The following PCDHGA6 variants were observed in gnomAD, a reference collection of about 807,000 sequenced individuals.
PCDHGA6 encodes protocadherin gamma-A6.
A neutral mutation model predicts 60.6 loss-of-function variants in PCDHGA6; 41 were observed. The ratio of observed to expected loss-of-function variants is 0.68; its 90% CI spans 0.53 to 0.88. PCDHGA6 has a LOEUF of 0.88. PCDHGA6 is among the 40% of genes least tolerant of loss of function. PCDHGA6 has a pLI of 0.00. For missense variants in PCDHGA6, 1,312 were observed against 1,203.0 expected (o/e 1.09, Z -1.34); for synonymous variants, 594 against 524.4 (o/e 1.13, Z -1.81).
intron 1 of PCDHGA6, among the ~76,000 whole-genome samples, chr5:141,469,186 G>T (rs536021769): frequency 6.6e-6 from 1 of 151,978 alleles, no homozygotes; most frequent in Admixed American, 6.6e-5. Flanking sequence ...TGAGGCAAGA[G>T]GATTGCTTGA....
intron 1 of PCDHGA6, chr5:141,410,121 A>G (rs1239244343): frequency 1.9e-6 from 3 of 1,612,642 alleles, no homozygotes; most frequent in Non-Finnish European, 2.5e-6. Flanking sequence ...GCAGCCCGCC[A>G]GCGCCTGCTG....
intron 1 of PCDHGA6, among the ~76,000 whole-genome samples, chr5:141,473,126 A>C (rs2154571574): frequency 6.6e-6 from 1 of 152,356 alleles, no homozygotes; most frequent in South Asian, 2.1e-4. Flanking sequence ...GCTCTTTGGC[A>C]AACTATATTA....
intron 1 of PCDHGA6, among the ~76,000 whole-genome samples, chr5:141,456,946 G>A (rs182320066): frequency 2.3e-4 from 35 of 152,284 alleles, no homozygotes; most frequent in Admixed American, 2.3e-3. Context: ...CTGGGCAACA[G>A]AGCAAAACTC....
rs1167812243 is a variant in PCDHGA6, at chr5:141,414,179, C to T, written c.2424+37672C>T. ...GATGGAGGAGCATATCTTGCAACTG[C>T]AAAAGTGTTGATTACAGTAGAAGAT... On this transcript the variant is annotated intron_variant, in intron 1 of 3. Transcript: ENST00000517434. 3 of 1,608,128 alleles carry T rather than the reference C, an allele frequency of 1.9e-6. No individual in the cohort carries two copies. In the South Asian group the frequency reaches 3.3e-5, roughly 18 times the overall value.
intron 2 of PCDHGA6, among the ~76,000 whole-genome samples, chr5:141,501,526 G>A (rs2099809738): frequency 6.6e-6 from 1 of 151,962 alleles, no homozygotes; most frequent in Non-Finnish European, 1.5e-5. Context: ...CTGAAGCCCA[G>A]TACGTTGTTG....
intron 1 of PCDHGA6, among the ~76,000 whole-genome samples, chr5:141,449,753 C>T (rs1260240861): frequency 6.6e-6 from 1 of 151,246 alleles, no homozygotes; most frequent in East Asian, 1.9e-4. Context: ...ATTTTTATGA[C>T]ATTTGAGAGT....
At position 141,511,410 on chromosome 5, in the gene PCDHGA6, T is replaced by A; in HGVS notation, c.*237T>A. The stretch of plus-strand genomic sequence containing the variant: ...GGAACCCCCATCCAATCAACTGCTG[T>A]ACCCATGGGGGTAGTGGGGTTACTG... On this transcript the variant is annotated 3_prime_UTR_variant, in exon 4 of 4. Coordinates refer to ENST00000517434, the MANE Select transcript of PCDHGA6 (RefSeq NM_018919.3). 1 of 908,820 alleles carries A rather than the reference T, an allele frequency of 1.1e-6. No individual in the cohort carries two copies. The highest frequency in any genetic ancestry group is 1.6e-6 in the Non-Finnish European group (1 of 624,202). 56.3% of individuals were successfully genotyped at this position (908,820 alleles called of 1,614,324 possible). A position where few individuals can be genotyped will look rare whatever the true frequency, so the allele number is the denominator to read the frequency against.
At chr5:141,418,248 C>G (rs372067603) in intron 1 of PCDHGA6, 1 of 1,614,000 alleles carries the variant, frequency 6.2e-7, no homozygotes, top group Admixed American at 1.7e-5. Context: ...AATGACCACG[C>G]CCCTCAATTC....
At position 141,420,439 on chromosome 5, in the gene PCDHGA6, C is replaced by T. The variant is rs2096496531; in HGVS notation, c.2424+43932C>T. ...TTAAAACAAAAGTTTAAATTAAATGCCTCAGTCTTCCTACTATTCAAAGAC... is the reference window on the plus strand; with the variant it reads ...TTAAAACAAAAGTTTAAATTAAATGTCTCAGTCTTCCTACTATTCAAAGAC... On this transcript the variant is annotated intron_variant, in intron 1 of 3. Coordinates refer to ENST00000517434, the MANE Select transcript of PCDHGA6 (RefSeq NM_018919.3). 10 of 1,073,160 alleles carry T rather than the reference C, an allele frequency of 9.3e-6. No individual in the cohort carries two copies. In the South Asian group the frequency reaches 2.0e-4, roughly 22 times the overall value. The allele number at this position is 1,073,160 out of a possible 1,614,324, so 66.5% of individuals were successfully genotyped here.
rs61612330 is a variant in PCDHGA6, at chr5:141,454,796, A to ATTTTTTTTTTTTTTTTTTTTTTT, written c.2425-40004_2425-39982dup. Among the ~76,000 whole-genome samples, 6 of 77,456 alleles carry ATTTTTTTTTTTTTTTTTTTTTTT rather than the reference A, an allele frequency of 7.7e-5. 1 individual carries two copies. The highest frequency in any genetic ancestry group is 8.0e-4 in the East Asian group (2 of 2,512). 50.8% of individuals were successfully genotyped at this position (77,456 alleles called of 152,430 possible). Reference sequence around the variant, plus strand: ...AAGGAAATAATCCTCCATGGTTCTAATTTTTTTTTTTTTTTTTTTTTTTTT... The same window carrying ATTTTTTTTTTTTTTTTTTTTTTT: ...AAGGAAATAATCCTCCATGGTTCTAATTTTTTTTTTTTTTTTTTTTTTTTTTTTTTTTTTTTTTTTTTTTTTTT... On this transcript the variant is annotated intron_variant, in intron 1 of 3. Transcript: ENST00000517434.
Position 141,374,140 on chromosome 5 carries a change from C to G in PCDHGA6, c.57C>G (p.Leu19=). 1 of 1,609,666 alleles carries G rather than the reference C, an allele frequency of 6.2e-7. No homozygotes were observed. Among genetic ancestry groups the G allele is most frequent in the Non-Finnish European group, 8.5e-7 (1 of 1,177,292 alleles). The change falls in exon 1 of 4, where the codon CTC becomes CTG. Residue 19 remains leucine (L), a synonymous_variant. Coordinates refer to ENST00000517434, the MANE Select transcript of PCDHGA6 (RefSeq NM_018919.3). The part of the protein sequence containing the change: ...QRSEQVLLLT[L]LGTLWGAAAA... ...GCGAGCAGGTCCTGCTCCTCACGCT[C>G]CTGGGGACGCTGTGGGGGGCCGCGG... is the stretch of plus-strand genomic sequence containing the variant.
rs753954982 is a variant in PCDHGA6 at position 141,478,158 on chromosome 5, C to A, written c.2425-16649C>A. 9 of 1,613,936 alleles carry A rather than the reference C, an allele frequency of 5.6e-6. No individual in the cohort carries two copies. In the African/African-American group the frequency reaches 1.2e-4, roughly 22 times the overall value. On this transcript the variant is annotated intron_variant, in intron 1 of 3. Transcript: ENST00000517434. ...GCCCGAGCCGAGTTCCCCTCTGGCT[C>A]TGCCCCCCGGGAGCAGAAAAAAAAT...
At chr5:141,473,738 C>T (rs755682627) in intron 1 of PCDHGA6, among the ~76,000 whole-genome samples, 2 of 152,310 alleles carry the variant, frequency 1.3e-5, no homozygotes, top group Non-Finnish European at 2.9e-5. Flanking sequence ...AGGGAGAAGA[C>T]ATGAGAACTT....
intron 1 of PCDHGA6, chr5:141,398,034 A>G: frequency 6.8e-7 from 1 of 1,475,238 alleles, no homozygotes; most frequent in South Asian, 1.4e-5. Context: ...AACTGGAACT[A>G]AAGCCCGTTC....
intron 1 of PCDHGA6, chr5:141,415,222 G>C (rs2095844564): frequency 1.2e-6 from 2 of 1,613,990 alleles, no homozygotes; most frequent in African/African-American, 2.7e-5. Context: ...CGGCAGCTTC[G>C]AGTCTCCAGC....
In PCDHGA6 at chr5:141,375,606, A is replaced by G. The variant is rs1187736346; in HGVS notation, c.1523A>G (p.Asn508Ser). ...CCCCTGTCCTCCTACGTGTCCATCA[A>G]CTCCGACACTGGGATTCTGTACGCC... is the stretch of plus-strand genomic sequence containing the variant. ...GAPLSSYVSI[N>S]SDTGILYALR... The change falls in exon 1 of 4, where the codon AAC (asparagine) becomes AGC (serine). Residue 508 changes from asparagine to serine, a missense_variant. By Grantham distance (46) the Asn-to-Ser change is conservative (BLOSUM62 1). Coordinates refer to ENST00000517434, the MANE Select transcript of PCDHGA6 (RefSeq NM_018919.3). 1.9e-6 allele frequency: 3 copies of G among 1,613,806 alleles called. No homozygotes were observed. The highest frequency in any genetic ancestry group is 1.1e-5 in the South Asian group (1 of 91,054).
intron 1 of PCDHGA6, chr5:141,399,794 C>T (rs2093888579): frequency 1.9e-6 from 3 of 1,613,268 alleles, no homozygotes; most frequent in Middle Eastern, 1.7e-4. Flanking sequence ...GACAACGCAC[C>T]GCGGGTGCTG....
chr5:141,410,817 A>T, intron 1 of PCDHGA6: 1 of 524,252 alleles, frequency 1.9e-6, no homozygotes, highest in Non-Finnish European at 3.1e-6. Context: ...TTGTAAAATA[A>T]TGTCACCAGA....
At chr5:141,470,682 T>C (rs2099236741) in intron 1 of PCDHGA6, among the ~76,000 whole-genome samples, 1 of 152,138 alleles carries the variant, frequency 6.6e-6, no homozygotes, top group Non-Finnish European at 1.5e-5. Flanking sequence ...TGTTACCATC[T>C]TGAAATTCTT....
Sources: gnomAD v4.1 joint callset for allele counts (sites outside exome capture counted in the v4.1 genomes callset) on GRCh38, gnomAD v4.1.1 for gene constraint, MANE v1.5 for transcripts, NCBI Gene and HGNC (gene_info 2026-07-23, HGNC 2026-07-21) for gene names.